Variants in CACNA1B observed in about 807,000 individuals in gnomAD.
CACNA1B encodes the protein calcium voltage-gated channel subunit alpha1 B, also known as voltage-dependent N-type calcium channel subunit alpha-1B.
CACNA1B carries 70 observed loss-of-function variants against 247.2 expected under a neutral mutation model. The ratio of observed to expected loss-of-function variants is 0.28; its 90% CI spans 0.23 to 0.35. CACNA1B has a LOEUF of 0.35. CACNA1B is among the 10% of genes least tolerant of loss of function. CACNA1B has a pLI of 1.00. For missense variants in CACNA1B, 2,367 were observed against 3,197.4 expected (o/e 0.74, Z 6.26); for synonymous variants, 1,231 against 1,294.4 (o/e 0.95, Z 1.05).
chr9:137,936,642 G>A (rs1564197252), intron 6 of CACNA1B, among the ~76,000 whole-genome samples: 2 of 152,124 alleles, frequency 1.3e-5, no homozygotes, highest in African/African-American at 4.8e-5. Context: ...AATCCATCTT[G>A]AATTAATTTT....
rs985390360 is a variant in CACNA1B at position 137,973,365 on chromosome 9, G to T, written c.1543+1773G>T. ...GGACAGGCTTGCCAGAGGCGAGGGGGTGTGGCCGCCCAGCCTAGAGCAGCT... is the reference window on the plus strand; with the variant it reads ...GGACAGGCTTGCCAGAGGCGAGGGGTTGTGGCCGCCCAGCCTAGAGCAGCT... On this transcript the variant is annotated intron_variant, in intron 11 of 46. Coordinates refer to ENST00000371372, the MANE Select transcript of CACNA1B (RefSeq NM_000718.4). The surrounding 1 kb of genome is among the most constrained non-coding windows in gnomAD (Gnocchi z 4.1). Among the ~76,000 whole-genome samples the T allele has an allele frequency of 6.6e-6, 1 of 152,234 alleles. No homozygotes were observed. The highest frequency in any genetic ancestry group is 1.9e-4 in the East Asian group (1 of 5,200).
At chr9:137,941,439 C>T (rs1437108902) in intron 6 of CACNA1B, among the ~76,000 whole-genome samples, 1 of 152,146 alleles carries the variant, frequency 6.6e-6, no homozygotes, top group African/African-American at 2.4e-5. Context: ...ATAGGTGACA[C>T]AAACAAATGG....
At chr9:137,896,375 T>C (rs1401937289) in intron 3 of CACNA1B, among the ~76,000 whole-genome samples, 5 of 152,244 alleles carry the variant, frequency 3.3e-5, no homozygotes, top group Non-Finnish European at 5.9e-5. Flanking sequence ...AATGCTTTTT[T>C]TGCATTGGTA....
At chr9:138,070,490 T>C (rs1191839539) in intron 32 of CACNA1B, among the ~76,000 whole-genome samples, 3 of 152,252 alleles carry the variant, frequency 2.0e-5, no homozygotes, top group Non-Finnish European at 4.4e-5. Flanking sequence ...AGCTTCCTGC[T>C]GGGTCTTCAG....
chr9:138,069,726 C>A, intron 31 of CACNA1B, 32 bp from the exon 32 acceptor site: 1 of 1,580,902 alleles, frequency 6.3e-7, no homozygotes, highest in Non-Finnish European at 8.7e-7. Context: ...AAATAATATG[C>A]AAATATCCAT....
intron 39 of CACNA1B, among the ~76,000 whole-genome samples, chr9:138,109,709 C>A (rs545256766): frequency 3.3e-5 from 5 of 152,180 alleles, no homozygotes; most frequent in Non-Finnish European, 7.3e-5. Flanking sequence ...ACCTTTTACC[C>A]TGTACAAAAA....
chr9:137,953,504 A>T (rs1246817417), intron 7 of CACNA1B, among the ~76,000 whole-genome samples: 1 of 152,108 alleles, frequency 6.6e-6, no homozygotes, highest in Non-Finnish European at 1.5e-5. Flanking sequence ...TGTCCTGTAA[A>T]GGGTGTGATT....
Position 138,121,725 on chromosome 9 carries a change from C to T in CACNA1B, c.6746C>T (p.Ala2249Val). 1 of 1,613,430 alleles carries T rather than the reference C, an allele frequency of 6.2e-7. No homozygotes were observed. Among genetic ancestry groups the T allele is most frequent in the Non-Finnish European group, 8.5e-7 (1 of 1,179,866 alleles). Residue 2249 changes from alanine to valine, a missense_variant, in exon 47 of 47, where the codon GCC becomes GTC. By Grantham distance (64) the Ala-to-Val change is moderately conservative (BLOSUM62 0). This residue lies in a region of CACNA1B where 773 missense variants were observed against 779.4 expected (regional missense o/e 0.99). Transcript: ENST00000371372. This position sits in a 1 kb window ranked among gnomAD's most constrained non-coding sequence, Gnocchi z 6.8. The stretch of plus-strand genomic sequence containing the variant: ...AGAGACCCCCTCAGCCAGCCCCTGG[C>T]CCCTGGCTCTCGAATTGGCTCTGAC... ...LQRDPLSQPL[A>V]PGSRIGSDPY...
chr9:137,912,039 G>A (rs1458501954), intron 3 of CACNA1B, among the ~76,000 whole-genome samples: 1 of 152,156 alleles, frequency 6.6e-6, no homozygotes, highest in Non-Finnish European at 1.5e-5. Context: ...TAGAAAAAAG[G>A]TACATCTTTT....
intron 3 of CACNA1B, among the ~76,000 whole-genome samples, chr9:137,908,318 C>A (rs1957320021): frequency 1.3e-5 from 2 of 152,026 alleles, no homozygotes; most frequent in African/African-American, 4.8e-5. Context: ...GAGTTCGAGA[C>A]CAGCCTGGCC....
In CACNA1B at chr9:138,121,417, CT is replaced by C. The variant is rs35987844; in HGVS notation, c.6490-34del. ...TGATGTGCTCTGTCTGTTGGTTCGGCTTTTTTTTTTTTTTTTTTACCTCTGA... is the reference window on the plus strand; with the variant it reads ...TGATGTGCTCTGTCTGTTGGTTCGGCTTTTTTTTTTTTTTTTTACCTCTGA... On this transcript the variant is annotated intron_variant, in intron 46 of 46. Transcript: ENST00000371372. This position sits in a 1 kb window ranked among gnomAD's most constrained non-coding sequence, Gnocchi z 6.8. 249,320 of 855,162 alleles carry C rather than the reference CT, an allele frequency of 0.29. 6,880 individuals carry two copies. Among genetic ancestry groups the C allele is most frequent in the Middle Eastern group, 0.35 (1,241 of 3,510 alleles). The allele number at this position is 855,162 out of a possible 1,614,324, so 53.0% of individuals were successfully genotyped here.
Position 137,879,050 on chromosome 9 carries a change from G to A in CACNA1B, c.285-4G>A, listed in dbSNP as rs199696957. Reference sequence around the variant, plus strand: ...GTCTGCCGGCCAGTCCTTAACTCACGCACTCCATTCGAGTATATGATCCTG... The same window carrying A: ...GTCTGCCGGCCAGTCCTTAACTCACACACTCCATTCGAGTATATGATCCTG... On this transcript the variant is annotated splice_polypyrimidine_tract_variant and splice_region_variant and intron_variant, in intron 1 of 46. Coordinates refer to ENST00000371372, the MANE Select transcript of CACNA1B (RefSeq NM_000718.4). 1.2e-6 allele frequency: 2 copies of A among 1,602,764 alleles called. No homozygotes were observed. The highest frequency in any genetic ancestry group is 1.1e-5 in the South Asian group (1 of 90,390).
At chr9:137,878,995 G>T (rs1039478117) in intron 1 of CACNA1B, 59 bp from the exon 2 acceptor site, 15 of 1,096,870 alleles carry the variant, frequency 1.4e-5, no homozygotes, top group Non-Finnish European at 1.9e-5. Context: ...GGCTCTGCTG[G>T]CGTCGGCCTC....
At chr9:137,956,947 C>T (rs1464442302) in intron 9 of CACNA1B, 120 bp downstream of exon 9, 22 of 762,754 alleles carry the variant, frequency 2.9e-5, no homozygotes, top group Non-Finnish European at 4.3e-5. Flanking sequence ...GGCACCTGCA[C>T]AGCCATCACA....
At chr9:138,035,061 T>C (rs1023484856) in intron 20 of CACNA1B, among the ~76,000 whole-genome samples, 3 of 152,378 alleles carry the variant, frequency 2.0e-5, no homozygotes, top group South Asian at 4.1e-4. Flanking sequence ...TTAAAACTTA[T>C]GAATTACTTC....
intron 3 of CACNA1B, among the ~76,000 whole-genome samples, chr9:137,907,604 G>A (rs1957312975): frequency 1.3e-5 from 2 of 152,010 alleles, no homozygotes; most frequent in South Asian, 4.1e-4. Context: ...GTAATTTGTT[G>A]ATTTTTCTGA....
chr9:138,027,099 C>T (rs906218178), intron 20 of CACNA1B, among the ~76,000 whole-genome samples: 1 of 152,208 alleles, frequency 6.6e-6, no homozygotes, highest in African/African-American at 2.4e-5. Flanking sequence ...CTTTTACCCA[C>T]TTTTTATTCT....
rs780766063 is a variant in CACNA1B, at chr9:138,051,600, G to A, written c.3711-492G>A. Among the ~76,000 whole-genome samples, 10 of 151,618 alleles carry A rather than the reference G, an allele frequency of 6.6e-5. No individual in the cohort carries two copies. Among genetic ancestry groups the A allele is most frequent in the Non-Finnish European group, 1.2e-4 (8 of 67,960 alleles). ...TCTGTCTTCCCGCTGTCGGTTTCAC[G>A]TCAGCGGGAGGAATGTTAGGACGGC... On this transcript the variant is annotated intron_variant, in intron 24 of 46. Transcript: ENST00000371372. This position sits in a 1 kb window ranked among gnomAD's most constrained non-coding sequence, Gnocchi z 4.3.
rs138953330 is a variant in CACNA1B, at chr9:137,911,827, G to A, written c.531-1353G>A. ...CCTTCGCCAAGAACCCTGGATGCGC[G>A]TTAGAGGCAGAGCCAGCAGGATTGT... On this transcript the variant is annotated intron_variant, in intron 3 of 46. Transcript: ENST00000371372. Among the ~76,000 whole-genome samples, 9 of 152,342 alleles carry A rather than the reference G, an allele frequency of 5.9e-5. No individual in the cohort carries two copies. In the East Asian group the frequency reaches 1.5e-3, roughly 26 times the overall value.
Sources: allele counts gnomAD v4.1 joint callset (sites outside exome capture counted in the v4.1 genomes callset), GRCh38; gene constraint gnomAD v4.1.1; regional missense constraint gnomAD v4.1.1; non-coding constraint Gnocchi (gnomAD v3.1); transcripts MANE v1.5; gene names NCBI Gene and HGNC (gene_info 2026-07-23, HGNC 2026-07-21).